CCDC69: variants seen among roughly 807,000 people sequenced by gnomAD.
CCDC69 encodes coiled-coil domain containing 69.
A neutral mutation model predicts 40.3 loss-of-function variants in CCDC69; 38 were observed. The ratio of observed to expected loss-of-function variants is 0.94; its 90% CI spans 0.73 to 1.24. The LOEUF is 1.24. Among genes scored for constraint, CCDC69 ranks in the 50% most tolerant of loss-of-function variants. The probability of loss-of-function intolerance (pLI) is 0.00; values close to 1 mark genes in which losing one functional copy is unlikely to be tolerated. For synonymous variants in CCDC69, 141 were observed against 138.9 expected (o/e 1.02, Z -0.11); for missense variants, 389 against 357.9 (o/e 1.09, Z -0.70).
intron 1 of CCDC69, among the ~76,000 whole-genome samples, chr5:151,218,654 A>G (rs894340945): frequency 3.3e-5 from 5 of 152,084 alleles, no homozygotes; most frequent in African/African-American, 4.8e-5. Flanking sequence ...CCAGAGTTTC[A>G]CTGTCTTGAT....
chr5:151,214,362 G>A (rs548236892), intron 1 of CCDC69, among the ~76,000 whole-genome samples: 3 of 152,124 alleles, frequency 2.0e-5, no homozygotes, highest in Admixed American at 6.5e-5. Flanking sequence ...CAGGGCCTTC[G>A]GGGAGGAAGG....
At chr5:151,188,953 A>C (rs906359381) in intron 4 of CCDC69, among the ~76,000 whole-genome samples, 12 of 152,206 alleles carry the variant, frequency 7.9e-5, no homozygotes, top group African/African-American at 2.9e-4. Context: ...CTGACCCAAC[A>C]GATTTAGACA....
intron 2 of CCDC69, among the ~76,000 whole-genome samples, chr5:151,204,808 T>C (rs1752829842): frequency 6.6e-6 from 1 of 152,170 alleles, no homozygotes; most frequent in Non-Finnish European, 1.5e-5. Context: ...TCCCACATGA[T>C]CCATTACAAA....
At chr5:151,209,912 ATCT>A (rs1322755051) in intron 1 of CCDC69, among the ~76,000 whole-genome samples, 1 of 152,120 alleles carries the variant, frequency 6.6e-6, no homozygotes, top group African/African-American at 2.4e-5. Flanking sequence ...ATTTATAAAC[ATCT>A]TCTTCCAGTT....
intron 1 of CCDC69, among the ~76,000 whole-genome samples, chr5:151,220,878 G>A (rs931989158): frequency 8.5e-5 from 13 of 152,124 alleles, no homozygotes; most frequent in Middle Eastern, 3.4e-3. Context: ...ACTGTGGCTG[G>A]CAACTCCCCA....
At chr5:151,213,952 C>G (rs1278821956) in intron 1 of CCDC69, among the ~76,000 whole-genome samples, 1 of 152,140 alleles carries the variant, frequency 6.6e-6, no homozygotes, top group Non-Finnish European at 1.5e-5. Context: ...GAACCCAGAG[C>G]AGGGTTGGAA....
chr5:151,211,974 A>T (rs542996104), intron 1 of CCDC69, among the ~76,000 whole-genome samples: 2 of 131,766 alleles, frequency 1.5e-5, no homozygotes, highest in East Asian at 5.2e-4. Flanking sequence ...CTCAGAGGTC[A>T]TGGAGCAGAC....
At chr5:151,218,986 G>T (rs1753094239) in intron 1 of CCDC69, among the ~76,000 whole-genome samples, 2 of 152,322 alleles carry the variant, frequency 1.3e-5, no homozygotes, top group East Asian at 3.9e-4. Flanking sequence ...GCAAAAATCT[G>T]GTATTTAATC....
At chr5:151,217,861 C>T (rs1369074239) in intron 1 of CCDC69, among the ~76,000 whole-genome samples, 2 of 152,192 alleles carry the variant, frequency 1.3e-5, no homozygotes, top group African/African-American at 4.8e-5. Context: ...GGGGACATTA[C>T]TGAATCCAGT....
intron 1 of CCDC69, among the ~76,000 whole-genome samples, chr5:151,222,125 G>T (rs995743650): frequency 2.0e-5 from 3 of 152,232 alleles, no homozygotes; most frequent in Admixed American, 2.0e-4. Flanking sequence ...GGAGCTAGGG[G>T]ACTAGATACC....
chr5:151,213,788 G>A (rs1193960879), intron 1 of CCDC69, among the ~76,000 whole-genome samples: 1 of 152,202 alleles, frequency 6.6e-6, no homozygotes, highest in African/African-American at 2.4e-5. Flanking sequence ...AGTGCTTTGT[G>A]TCCTCATTGT....
chr5:151,202,135 C>G (rs1374281623), intron 2 of CCDC69, among the ~76,000 whole-genome samples: 3 of 148,340 alleles, frequency 2.0e-5, no homozygotes, highest in Non-Finnish European at 4.4e-5. Context: ...GTGGGAGGAG[C>G]ACTTGAGACC....
At chr5:151,220,558 T>C (rs1753119062) in intron 1 of CCDC69, among the ~76,000 whole-genome samples, 1 of 152,236 alleles carries the variant, frequency 6.6e-6, no homozygotes, top group East Asian at 1.9e-4. Context: ...TTCTGTCACC[T>C]GGCTTGCTAC....
chr5:151,193,342 CAAAAAAA>C (rs35463341), intron 4 of CCDC69, among the ~76,000 whole-genome samples: 20 of 77,560 alleles, frequency 2.6e-4, no homozygotes, highest in Admixed American at 1.1e-3. Flanking sequence ...CTCATTTCTA[CAAAAAAA>C]AAAAAAAAAA....
At position 151,205,384 on chromosome 5, in the gene CCDC69, G is replaced by A. The variant is rs754093496; in HGVS notation, c.124+16C>T. 6.2e-7 allele frequency: 1 copy of A among 1,607,466 alleles called. No individual in the cohort carries two copies. The highest frequency in any genetic ancestry group is 8.5e-7 in the Non-Finnish European group (1 of 1,173,976). ...CACAGATGGCAGTTGGGGCCTTTGT[G>A]GGGCTGGCTACTCACCTGTGTCCCC... On this transcript the variant is annotated intron_variant, in intron 2 of 8. Coordinates refer to ENST00000355417, the MANE Select transcript of CCDC69 (RefSeq NM_015621.3).
At chr5:151,205,316 T>A (rs1411392067) in intron 2 of CCDC69, 84 bp downstream of exon 2, 2 of 1,073,540 alleles carry the variant, frequency 1.9e-6, no homozygotes, top group African/African-American at 3.1e-5. Context: ...CATGAGATAT[T>A]TCAGCAGCTG....
chr5:151,191,242 T>C (rs1276953921), intron 4 of CCDC69, among the ~76,000 whole-genome samples: 2 of 152,124 alleles, frequency 1.3e-5, no homozygotes, highest in African/African-American at 4.8e-5. Context: ...GATTTGCAGA[T>C]AAAGAACTGA....
chr5:151,218,672 G>A (rs1186236600), intron 1 of CCDC69, among the ~76,000 whole-genome samples: 1 of 152,160 alleles, frequency 6.6e-6, no homozygotes, highest in East Asian at 1.9e-4. Context: ...GATTTATATA[G>A]CAGCCTGTTT....
At chr5:151,197,200 T>C (rs556682527) in intron 4 of CCDC69, among the ~76,000 whole-genome samples, 4 of 152,248 alleles carry the variant, frequency 2.6e-5, no homozygotes, top group Admixed American at 2.0e-4. Context: ...AGACAGTGGA[T>C]TGGTGGTTGC....
Sources: gnomAD v4.1 joint callset for allele counts (sites outside exome capture counted in the v4.1 genomes callset) on GRCh38, gnomAD v4.1.1 for gene constraint, MANE v1.5 for transcripts, NCBI Gene and HGNC (gene_info 2026-07-23, HGNC 2026-07-21) for gene names.